AIDA: variants seen among roughly 807,000 people sequenced by gnomAD.
The protein encoded by AIDA is axin interactor, dorsalization-associated protein.
A neutral mutation model predicts 42.7 loss-of-function variants in AIDA; 18 were observed. That is an observed-to-expected ratio of 0.42 (90% CI 0.29 to 0.63). AIDA has a LOEUF of 0.63. Ranked by LOEUF, AIDA falls within the 20% of genes least tolerant of loss-of-function variation. AIDA has a pLI of 0.19. For missense variants in AIDA, 250 were observed against 354.1 expected, an observed-to-expected ratio of 0.71 and a Z score of 2.36; for synonymous variants, 104 against 122.9, an observed-to-expected ratio of 0.85 and a Z score of 1.02.
chr1:222,677,591 T>C (rs572654455), intron 6 of AIDA, among the ~76,000 whole-genome samples: 2 of 152,212 alleles, frequency 1.3e-5, no homozygotes, highest in Non-Finnish European at 2.9e-5. Flanking sequence ...TGTTCTGTTC[T>C]TGGTCTGCTA....
At chr1:222,698,039 AAGTC>A (rs906135281) in intron 2 of AIDA, among the ~76,000 whole-genome samples, 8 of 152,310 alleles carry the variant, frequency 5.3e-5, no homozygotes, top group African/African-American at 1.9e-4. Flanking sequence ...TACTACACCA[AAGTC>A]AGGAATTCAG....
At chr1:222,695,328 C>T (rs1344101713) in intron 2 of AIDA, among the ~76,000 whole-genome samples, 1 of 152,130 alleles carries the variant, frequency 6.6e-6, no homozygotes, top group Non-Finnish European at 1.5e-5. Flanking sequence ...TCTGTCTCTA[C>T]TAAAAATACA....
chr1:222,690,950 C>G (rs1031354241), intron 4 of AIDA, among the ~76,000 whole-genome samples: 2 of 151,940 alleles, frequency 1.3e-5, no homozygotes. Context: ...GAGTCTTTGC[C>G]CTCATATATG....
At chr1:222,701,976 G>A (rs998541195) in intron 2 of AIDA, among the ~76,000 whole-genome samples, 2 of 151,456 alleles carry the variant, frequency 1.3e-5, no homozygotes, top group African/African-American at 2.4e-5. Context: ...TGCCCACCTC[G>A]GCCTCCCGAA....
intron 2 of AIDA, among the ~76,000 whole-genome samples, chr1:222,696,040 C>A (rs556179406): frequency 1.3e-5 from 2 of 151,964 alleles, no homozygotes; most frequent in African/African-American, 4.8e-5. Flanking sequence ...GACTCGATGC[C>A]GAAGAATAAG....
chr1:222,696,528 C>T (rs906724306), intron 2 of AIDA, among the ~76,000 whole-genome samples: 6 of 152,192 alleles, frequency 3.9e-5, no homozygotes, highest in Admixed American at 6.5e-5. Flanking sequence ...TTGCCCTAGG[C>T]ATCAATGCCT....
intron 1 of AIDA, among the ~76,000 whole-genome samples, chr1:222,707,253 G>A (rs1655863768): frequency 6.6e-6 from 1 of 152,046 alleles, no homozygotes; most frequent in Non-Finnish European, 1.5e-5. Context: ...TGTCTCCGGG[G>A]CTCAAGCAAT....
intron 4 of AIDA, among the ~76,000 whole-genome samples, chr1:222,691,829 A>G (rs1480272675): frequency 6.6e-6 from 1 of 152,198 alleles, no homozygotes; most frequent in East Asian, 1.9e-4. Context: ...CATTTGTATA[A>G]AACACCAACA....
rs1656109589 is a variant in AIDA at position 222,712,384 on chromosome 1, CCCCCGGCCTGG to C, written c.-78_-68del. ...AGGCCGGGTTCTAGGGCGCCATCCT[CCCCCGGCCTGG>C]CCCCGACATTAACAGGGCCAGGAGG... On this transcript the variant is annotated 5_prime_UTR_variant, in exon 1 of 10. The change abolishes the stop of an existing upstream ORF in the 5' untranslated region. Transcript: ENST00000340020. The C allele has an allele frequency of 4.1e-6, 6 of 1,470,814 alleles. No individual in the cohort carries two copies. The highest frequency in any genetic ancestry group is 5.4e-6 in the Non-Finnish European group (6 of 1,106,386). 91.1% of individuals were successfully genotyped at this position (1,470,814 alleles called of 1,614,324 possible).
intron 4 of AIDA, among the ~76,000 whole-genome samples, chr1:222,690,579 G>C (rs1466402336): frequency 6.6e-6 from 1 of 152,082 alleles, no homozygotes; most frequent in Non-Finnish European, 1.5e-5. Context: ...TGGCATATTG[G>C]CATCCCAAAG....
intron 2 of AIDA, among the ~76,000 whole-genome samples, chr1:222,702,449 T>G (rs373892904): frequency 7.3e-4 from 110 of 151,678 alleles, no homozygotes; most frequent in Middle Eastern, 3.4e-3. Context: ...ATAATGGGAG[T>G]TGTTTCCTCC....
intron 6 of AIDA, among the ~76,000 whole-genome samples, chr1:222,681,451 G>T (rs1462975278): frequency 2.0e-5 from 3 of 152,180 alleles, no homozygotes; most frequent in Non-Finnish European, 4.4e-5. Flanking sequence ...ATTACCTGAG[G>T]TCAGGAGTTT....
intron 1 of AIDA, among the ~76,000 whole-genome samples, chr1:222,704,708 T>G (rs542130617): frequency 8.5e-5 from 13 of 152,180 alleles, no homozygotes; most frequent in Admixed American, 5.9e-4. Context: ...GATGGGAATG[T>G]TCAGGAATTA....
At chr1:222,697,751 A>G (rs189293826) in intron 2 of AIDA, among the ~76,000 whole-genome samples, 299 of 152,302 alleles carry the variant, frequency 2.0e-3, no homozygotes, top group Non-Finnish European at 3.2e-3. Flanking sequence ...TTTAAAAAAT[A>G]CATATAAAGT....
At chr1:222,710,572 T>A (rs72740116) in intron 1 of AIDA, among the ~76,000 whole-genome samples, 1 of 152,212 alleles carries the variant, frequency 6.6e-6, no homozygotes, top group Non-Finnish European at 1.5e-5. Flanking sequence ...ATATACAGAA[T>A]GGGTATACAT....
At chr1:222,681,712 T>A (rs1341262562) in intron 6 of AIDA, among the ~76,000 whole-genome samples, 2 of 152,140 alleles carry the variant, frequency 1.3e-5, no homozygotes, top group Admixed American at 6.5e-5. Context: ...GTGTCTAACC[T>A]AGCAACAGGG....
At chr1:222,710,806 G>A (rs1174819590) in intron 1 of AIDA, among the ~76,000 whole-genome samples, 1 of 152,024 alleles carries the variant, frequency 6.6e-6, no homozygotes, top group Non-Finnish European at 1.5e-5. Context: ...TCCTCATTTC[G>A]TAAAATGAGA....
At chr1:222,700,550 G>A (rs887630865) in intron 2 of AIDA, among the ~76,000 whole-genome samples, 4 of 152,256 alleles carry the variant, frequency 2.6e-5, no homozygotes, top group South Asian at 2.1e-4. Flanking sequence ...GAGGTCAGGA[G>A]ATCGAGACTA....
chr1:222,688,844 T>C (rs1199183011), intron 4 of AIDA, among the ~76,000 whole-genome samples: 1 of 152,092 alleles, frequency 6.6e-6, no homozygotes, highest in Non-Finnish European at 1.5e-5. Context: ...GGTGATTGCC[T>C]GCCTCAGCCT....
Sources: allele counts gnomAD v4.1 joint callset (sites outside exome capture counted in the v4.1 genomes callset), GRCh38; gene constraint gnomAD v4.1.1; transcripts MANE v1.5; gene names NCBI Gene and HGNC (gene_info 2026-07-23, HGNC 2026-07-21).